The following RADIL variants were observed in gnomAD, a reference collection of about 807,000 sequenced individuals.
RADIL encodes the protein ras-associating and dilute domain-containing protein.
In RADIL, 99 loss-of-function variants were observed where a neutral mutation model predicts 97.6. That is an observed-to-expected ratio of 1.01 (90% CI 0.86 to 1.20). The LOEUF (loss-of-function observed/expected upper bound fraction) is 1.20, where lower values mean the gene tolerates loss of function less well. RADIL is among the 50% of genes most tolerant of loss of function. The pLI is 0.00. For missense variants in RADIL, 1,765 were observed against 1,498.9 expected (o/e 1.18, Z -2.93); for synonymous variants, 803 against 691.8 (o/e 1.16, Z -2.52).
In RADIL at chr7:4,832,145, G is replaced by A. The variant is rs533522927; in HGVS notation, c.1450C>T (p.Gln484Ter). 45 of 1,610,264 alleles carry A rather than the reference G, an allele frequency of 2.8e-5. No homozygotes were observed. In the Middle Eastern group the frequency reaches 3.1e-3, roughly 112 times the overall value. Residue 484 changes from glutamine to a stop codon, truncating the protein, a stop_gained, in exon 5 of 15, where the codon CAA (glutamine) becomes TAA (stop). Coordinates refer to ENST00000399583, the MANE Select transcript of RADIL (RefSeq NM_018059.5). LOFTEE classifies it high-confidence loss of function. Reference protein sequence around the residue: ...KTKELAEKQAQLQEPISLASC... With the variant: ...KTKELAEKQA ...CAATAACCGGGTCATACTCACAGTTGCGCCTGCTTCTCTGCTAGTTCTTTG... is the reference window on the plus strand; with the variant it reads ...CAATAACCGGGTCATACTCACAGTTACGCCTGCTTCTCTGCTAGTTCTTTG...
Position 4,800,437 on chromosome 7 carries a change from G to A in RADIL, c.2843-127C>T, listed in dbSNP as rs1236239158. The A allele has an allele frequency of 1.8e-5, 19 of 1,067,778 alleles. No individual in the cohort carries two copies. In the Admixed American group the frequency reaches 6.8e-4, roughly 38 times the overall value. 66.1% of individuals were successfully genotyped at this position (1,067,778 alleles called of 1,614,324 possible). On this transcript the variant is annotated intron_variant, in intron 12 of 14. Transcript: ENST00000399583. ...GGATGGCCTCCTGTGGCTCCCAGGA[G>A]ACGCTGTTCAGGCAGAATGTGACCG...
chr7:4,844,045 A>C (rs1340809367), intron 2 of RADIL, among the ~76,000 whole-genome samples: 1 of 152,078 alleles, frequency 6.6e-6, no homozygotes, highest in Non-Finnish European at 1.5e-5. Context: ...TCCTCTTGCC[A>C]TCAGGAACAA....
At chr7:4,809,522 C>T (rs1782474837) in intron 9 of RADIL, 1 of 985,278 alleles carries the variant, frequency 1.0e-6, no homozygotes, top group Non-Finnish European at 1.2e-6. Context: ...AGAACGTGGG[C>T]GGCGGCTGCT....
rs951465779 is a variant in RADIL at position 4,799,242 on chromosome 7, G to T, written c.*136C>A. The T allele has an allele frequency of 4.4e-6, 3 of 684,648 alleles. No homozygotes were observed. The highest frequency in any genetic ancestry group is 7.6e-6 in the Non-Finnish European group (3 of 393,440). The allele number at this position is 684,648 out of a possible 1,614,324, so 42.4% of individuals were successfully genotyped here. ...TACACTGAGATGCATGTTATCAACA[G>T]GCATGTCCCCAGGGTGAGGCTCCCC... On this transcript the variant is annotated 3_prime_UTR_variant, in exon 15 of 15. Transcript: ENST00000399583.
At chr7:4,810,584 C>T (rs976832655) in intron 9 of RADIL, among the ~76,000 whole-genome samples, 45 of 152,282 alleles carry the variant, frequency 3.0e-4, no homozygotes, top group African/African-American at 7.7e-4. Context: ...CAGTCTGGGG[C>T]GGTTACGAGT....
At chr7:4,811,734 A>G (rs1048473368) in intron 9 of RADIL, among the ~76,000 whole-genome samples, 28 of 151,896 alleles carry the variant, frequency 1.8e-4, no homozygotes, top group Non-Finnish European at 2.8e-4. Context: ...TGATCCACCC[A>G]ACTCGGCCTC....
intron 2 of RADIL, among the ~76,000 whole-genome samples, chr7:4,838,960 C>T (rs560770601): frequency 5.9e-5 from 9 of 152,352 alleles, no homozygotes; most frequent in East Asian, 1.9e-4. Context: ...CACGTGCACA[C>T]GTGCACACGT....
intron 7 of RADIL, 41 bp from the exon 8 acceptor site, chr7:4,816,506 G>A (rs780388081): frequency 2.6e-6 from 4 of 1,548,266 alleles, no homozygotes; most frequent in Non-Finnish European, 8.9e-7. Context: ...GCATTTCCAG[G>A]AGCGCTGGCG....
chr7:4,861,930 A>C (rs1178420046), intron 2 of RADIL: 5 of 542,502 alleles, frequency 9.2e-6, no homozygotes, highest in Admixed American at 3.9e-5. Flanking sequence ...GTCCGACCCC[A>C]CTCCCACTCC....
chr7:4,828,807 G>A (rs1030028747), intron 5 of RADIL, among the ~76,000 whole-genome samples: 15 of 152,214 alleles, frequency 9.9e-5, no homozygotes, highest in African/African-American at 3.1e-4. Flanking sequence ...TAACGATGAC[G>A]GTTCTGGAAC....
At position 4,846,318 on chromosome 7, in the gene RADIL, T is replaced by C. The variant is rs192869963; in HGVS notation, c.536-9713A>G. Among the ~76,000 whole-genome samples the C allele has an allele frequency of 1.8e-3, 274 of 151,500 alleles. 2 individuals carry two copies. Among genetic ancestry groups the C allele is most frequent in the African/African-American group, 6.3e-3 (260 of 41,312 alleles). ...CCTGCCTCCATGCCCAGCTAATTTT[T>C]ATATTTTTAGGAGAGACGGGGTTTC... On this transcript the variant is annotated intron_variant, in intron 2 of 14. Coordinates refer to ENST00000399583, the MANE Select transcript of RADIL (RefSeq NM_018059.5).
At chr7:4,846,041 A>C (rs1432126046) in intron 2 of RADIL, among the ~76,000 whole-genome samples, 1 of 152,026 alleles carries the variant, frequency 6.6e-6, no homozygotes, top group Non-Finnish European at 1.5e-5. Context: ...CACGCCACCA[A>C]CAGCGACAGC....
At chr7:4,844,312 G>A (rs1562447359) in intron 2 of RADIL, among the ~76,000 whole-genome samples, 1 of 151,876 alleles carries the variant, frequency 6.6e-6, no homozygotes, top group Non-Finnish European at 1.5e-5. Flanking sequence ...GAGTGTGGTG[G>A]CACGCGCCTG....
intron 2 of RADIL, among the ~76,000 whole-genome samples, chr7:4,862,453 G>T (rs1474814529): frequency 6.6e-6 from 1 of 152,232 alleles, no homozygotes. Context: ...CATGCTTTAA[G>T]GGCGCGATAC....
At chr7:4,853,291 A>G (rs540903783) in intron 2 of RADIL, among the ~76,000 whole-genome samples, 73 of 152,294 alleles carry the variant, frequency 4.8e-4, no homozygotes, top group Middle Eastern at 3.4e-3. Flanking sequence ...ATATTTGCAG[A>G]TATGTAAATA....
chr7:4,804,020 C>A, intron 10 of RADIL: 1 of 531,150 alleles, frequency 1.9e-6, no homozygotes, highest in Non-Finnish European at 3.5e-6. Flanking sequence ...ACCCTCCAGC[C>A]CCACTGAGCC....
chr7:4,844,092 T>G (rs1194105331), intron 2 of RADIL, among the ~76,000 whole-genome samples: 1 of 151,970 alleles, frequency 6.6e-6, no homozygotes, highest in African/African-American at 2.4e-5. Context: ...CTCTTCAAAT[T>G]TGTACTAGGT....
At chr7:4,802,698 G>A (rs1248115413) in intron 11 of RADIL, among the ~76,000 whole-genome samples, 1 of 108,564 alleles carries the variant, frequency 9.2e-6, no homozygotes, top group Non-Finnish European at 1.9e-5. Context: ...GGGGCACGCT[G>A]GCTGGGTCCC....
intron 5 of RADIL, among the ~76,000 whole-genome samples, chr7:4,829,274 C>G (rs565563062): frequency 6.6e-6 from 1 of 152,334 alleles, no homozygotes; most frequent in African/African-American, 2.4e-5. Flanking sequence ...GAGGCAGAGC[C>G]TGGGTCCCTC....
Sources: allele counts gnomAD v4.1 joint callset (sites outside exome capture counted in the v4.1 genomes callset), GRCh38; gene constraint gnomAD v4.1.1; transcripts MANE v1.5; gene names NCBI Gene and HGNC (gene_info 2026-07-23, HGNC 2026-07-21).